Variants in ABCC9 observed in about 807,000 individuals in gnomAD.
ABCC9 encodes ATP-binding cassette sub-family C member 9.
A neutral mutation model predicts 188.3 loss-of-function variants in ABCC9; 95 were observed. The observed-to-expected ratio is 0.50, with a 90% CI of 0.43 to 0.60. The LOEUF (loss-of-function observed/expected upper bound fraction) is 0.60, where lower values mean the gene tolerates loss of function less well. Ranked by LOEUF, ABCC9 falls within the 20% of genes least tolerant of loss-of-function variation. The probability of loss-of-function intolerance (pLI) is 0.00; values close to 1 mark genes in which losing one functional copy is unlikely to be tolerated. For synonymous variants in ABCC9, 659 were observed against 652.7 expected, an observed-to-expected ratio of 1.01 and a Z score of -0.15; for missense variants, 1,102 against 1,876.3, an observed-to-expected ratio of 0.59 and a Z score of 7.62.
intron 38 of ABCC9, among the ~76,000 whole-genome samples, 197 bp downstream of exon 38, chr12:21,807,149 A>G (rs1941913473): frequency 1.3e-5 from 2 of 152,186 alleles, no homozygotes; most frequent in African/African-American, 2.4e-5. Flanking sequence ...GGTGATAGGA[A>G]TGCCTTTCAA....
At chr12:21,842,694 C>G (rs1002644522) in intron 28 of ABCC9, among the ~76,000 whole-genome samples, 1 of 152,062 alleles carries the variant, frequency 6.6e-6, no homozygotes, top group Non-Finnish European at 1.5e-5. Flanking sequence ...TACCTATTTA[C>G]CTTGGGTGTT....
chr12:21,871,886 T>G (rs1243089020), intron 18 of ABCC9, among the ~76,000 whole-genome samples: 1 of 152,238 alleles, frequency 6.6e-6, no homozygotes, highest in Non-Finnish European at 1.5e-5. Context: ...TTAGATCAGC[T>G]GTAGCCAGTG....
chr12:21,864,363 A>G, intron 19 of ABCC9, 76 bp downstream of exon 19: 1 of 1,124,900 alleles, frequency 8.9e-7, no homozygotes, highest in Non-Finnish European at 1.4e-6. Flanking sequence ...CAGAGTAAGC[A>G]AAATGAGATT....
intron 31 of ABCC9, 92 bp from the exon 32 acceptor site, chr12:21,818,343 C>G: frequency 2.2e-6 from 2 of 926,124 alleles, no homozygotes; most frequent in South Asian, 2.6e-5. Context: ...TAAGAGAATA[C>G]ACATCATTCC....
chr12:21,807,572 C>CA, intron 37 of ABCC9, 93 bp from the exon 38 acceptor site: 1 of 1,540,840 alleles, frequency 6.5e-7, no homozygotes, highest in Non-Finnish European at 8.9e-7. Flanking sequence ...TGTTGTATGA[C>CA]AGCATGATGG....
At position 21,933,920 on chromosome 12, in the gene ABCC9, C is replaced by T. The variant is rs886049175; in HGVS notation, c.146G>A (p.Trp49Ter). 5.0e-6 allele frequency: 8 copies of T among 1,613,484 alleles called. No individual in the cohort carries two copies. Among genetic ancestry groups the T allele is most frequent in the South Asian group, 1.1e-5 (1 of 91,054 alleles). ...FITFPILFIG[W>*]GSQSSKVQIH... ...TTGTACTTTTGAGCTTTGGCTCCCC[C>T]ACCCTGGAAAAGAGAGAAAAGTTAA... Residue 49 changes from tryptophan to a stop codon, truncating the protein, a stop_gained, in exon 4 of 40, where the codon TGG (tryptophan) becomes TAG (stop). Coordinates refer to ENST00000261200, the MANE Select transcript of ABCC9 (RefSeq NM_020297.4). LOFTEE classifies it high-confidence loss of function.
At chr12:21,808,915 A>G (rs1358906397) in intron 37 of ABCC9, among the ~76,000 whole-genome samples, 1 of 152,118 alleles carries the variant, frequency 6.6e-6, no homozygotes, top group Non-Finnish European at 1.5e-5. Context: ...TGTTTGTGGC[A>G]TACTCTCTCC....
rs1181858273 is a variant in ABCC9 at position 21,797,951 on chromosome 12, A to T, written c.*3093T>A. The T allele has an allele frequency of 1.3e-5, 2 of 152,190 alleles. No individual in the cohort carries two copies. The highest frequency in any genetic ancestry group is 2.9e-5 in the Non-Finnish European group (2 of 68,048). 9.4% of individuals were successfully genotyped at this position (152,190 alleles called of 1,614,324 possible). A position where few individuals can be genotyped will look rare whatever the true frequency, so the allele number is the denominator to read the frequency against. The stretch of plus-strand genomic sequence containing the variant: ...TAGTTAAGGTGGTCATCTTTTACAG[A>T]TATGTACCTATATAGTCAAATATTA... On this transcript the variant is annotated 3_prime_UTR_variant, in exon 40 of 40. Coordinates refer to ENST00000261200, the MANE Select transcript of ABCC9 (RefSeq NM_020297.4).
chr12:21,940,864 G>A (rs1465277077), intron 1 of ABCC9, 39 bp from the exon 2 acceptor site: 1 of 152,128 alleles, frequency 6.6e-6, no homozygotes, highest in East Asian at 1.9e-4. Context: ...TAAGCAGATA[G>A]AAAACTACTT....
intron 32 of ABCC9, among the ~76,000 whole-genome samples, chr12:21,817,675 T>G (rs979338015): frequency 6.6e-6 from 1 of 152,162 alleles, no homozygotes; most frequent in Non-Finnish European, 1.5e-5. Context: ...TGGAGAGTAC[T>G]CTGACCACAA....
At chr12:21,904,485 A>G (rs974976558) in intron 12 of ABCC9, among the ~76,000 whole-genome samples, 2 of 152,204 alleles carry the variant, frequency 1.3e-5, no homozygotes, top group African/African-American at 4.8e-5. Context: ...ATCAAAGCAA[A>G]CAGGCAACCT....
intron 12 of ABCC9, among the ~76,000 whole-genome samples, chr12:21,897,337 C>A (rs372849573): frequency 1.3e-5 from 2 of 152,100 alleles, no homozygotes; most frequent in Admixed American, 1.3e-4. Flanking sequence ...ATGGATAGAT[C>A]GCAAACATTT....
At chr12:21,935,879 C>T (rs1308849394) in intron 3 of ABCC9, among the ~76,000 whole-genome samples, 1 of 151,988 alleles carries the variant, frequency 6.6e-6, no homozygotes, top group Admixed American at 6.6e-5. Flanking sequence ...TTCATAATTG[C>T]CCCTAATTAT....
intron 18 of ABCC9, among the ~76,000 whole-genome samples, chr12:21,871,387 C>T (rs1688006389): frequency 6.6e-6 from 1 of 152,122 alleles, no homozygotes; most frequent in South Asian, 2.1e-4. Context: ...TAGATTTGCT[C>T]GACAGGGATA....
At chr12:21,917,267 C>A (rs528922027) in intron 5 of ABCC9, among the ~76,000 whole-genome samples, 164 bp from the exon 6 acceptor site, 8 of 152,196 alleles carry the variant, frequency 5.3e-5, no homozygotes, top group African/African-American at 1.9e-4. Context: ...TAGTGTACTT[C>A]TGGAGTTTTG....
intron 25 of ABCC9, 103 bp from the exon 26 acceptor site, chr12:21,845,935 T>TGTAA: frequency 1.1e-6 from 1 of 923,224 alleles, no homozygotes; most frequent in East Asian, 2.6e-5. Flanking sequence ...TTTATAAAAA[T>TGTAA]GTAAGCATTA....
At chr12:21,815,286 GTTTTT>G (rs201636994) in intron 34 of ABCC9, among the ~76,000 whole-genome samples, 1 of 132,322 alleles carries the variant, frequency 7.6e-6, no homozygotes, top group African/African-American at 2.7e-5. Context: ...TTTCTTCATG[GTTTTT>G]TTTTTTTTTT....
At chr12:21,905,204 A>C (rs995305018) in intron 12 of ABCC9, among the ~76,000 whole-genome samples, 3 of 152,312 alleles carry the variant, frequency 2.0e-5, no homozygotes, top group South Asian at 2.1e-4. Context: ...TCTCACTCAT[A>C]GGTGGGAACT....
chr12:21,824,552 T>C (rs1943251113), intron 31 of ABCC9, among the ~76,000 whole-genome samples: 1 of 152,186 alleles, frequency 6.6e-6, no homozygotes, highest in Admixed American at 6.5e-5. Context: ...TTTGGAATAG[T>C]TTCAGAAGGA....
Sources: gnomAD v4.1 joint callset for allele counts (sites outside exome capture counted in the v4.1 genomes callset) on GRCh38, gnomAD v4.1.1 for gene constraint, MANE v1.5 for transcripts, NCBI Gene and HGNC (gene_info 2026-07-23, HGNC 2026-07-21) for gene names.